The following PLEKHA5 variants were observed in gnomAD, a reference collection of about 807,000 sequenced individuals.
PLEKHA5 encodes pleckstrin homology domain containing A5.
A neutral mutation model predicts 181.9 loss-of-function variants in PLEKHA5; 55 were observed. The ratio of observed to expected loss-of-function variants is 0.30; its 90% CI spans 0.24 to 0.38. The LOEUF (loss-of-function observed/expected upper bound fraction) is 0.38, where lower values mean the gene tolerates loss of function less well. PLEKHA5 is among the 10% of genes least tolerant of loss of function. The pLI, the probability that PLEKHA5 is intolerant of heterozygous loss-of-function variation, is 1.00. For missense variants in PLEKHA5, 1,432 were observed against 1,549.5 expected, an observed-to-expected ratio of 0.92 and a Z score of 1.27; for synonymous variants, 535 against 529.4, an observed-to-expected ratio of 1.01 and a Z score of -0.15.
intron 3 of PLEKHA5, among the ~76,000 whole-genome samples, chr12:19,215,608 A>G (rs2057820734): frequency 6.6e-6 from 1 of 152,196 alleles, no homozygotes; most frequent in Admixed American, 6.5e-5. Flanking sequence ...CATTTCATAA[A>G]ATAAGCCATA....
At chr12:19,178,986 A>C (rs1164418335) in intron 3 of PLEKHA5, among the ~76,000 whole-genome samples, 2 of 152,220 alleles carry the variant, frequency 1.3e-5, no homozygotes, top group Non-Finnish European at 2.9e-5. Flanking sequence ...CCAAGTGCTT[A>C]GGGTAAAGGA....
chr12:19,275,492 C>T (rs2074239388), intron 11 of PLEKHA5, among the ~76,000 whole-genome samples: 1 of 152,154 alleles, frequency 6.6e-6, no homozygotes, highest in Non-Finnish European at 1.5e-5. Context: ...AGGCCAGGCG[C>T]AGTTTTTCGG....
chr12:19,169,323 G>A (rs549334636), intron 3 of PLEKHA5, among the ~76,000 whole-genome samples: 5 of 151,918 alleles, frequency 3.3e-5, no homozygotes, highest in African/African-American at 1.2e-4. Flanking sequence ...AGTTAGTGTT[G>A]CTTGCCTAGG....
At chr12:19,156,376 T>G (rs139268769) in intron 3 of PLEKHA5, among the ~76,000 whole-genome samples, 4 of 152,180 alleles carry the variant, frequency 2.6e-5, no homozygotes, top group Admixed American at 2.6e-4. Flanking sequence ...AACCCATGTA[T>G]TATTGGTAAA....
intron 3 of PLEKHA5, among the ~76,000 whole-genome samples, chr12:19,165,287 A>T (rs887434009): frequency 1.3e-5 from 2 of 152,184 alleles, no homozygotes; most frequent in Non-Finnish European, 2.9e-5. Context: ...TAAGAAACAC[A>T]CACTGTCTAT....
intron 26 of PLEKHA5, among the ~76,000 whole-genome samples, chr12:19,354,858 C>T (rs922446132): frequency 5.9e-5 from 9 of 152,156 alleles, no homozygotes; most frequent in Non-Finnish European, 1.0e-4. Context: ...TTTTGATCAG[C>T]CTAGACATGG....
intron 26 of PLEKHA5, among the ~76,000 whole-genome samples, chr12:19,356,593 G>C (rs2094938192): frequency 6.6e-6 from 1 of 150,606 alleles, no homozygotes; most frequent in Non-Finnish European, 1.5e-5. Context: ...AGTGGAAATA[G>C]TTCATCATAA....
chr12:19,347,882 CTTTT>C (rs527719770), intron 24 of PLEKHA5, among the ~76,000 whole-genome samples: 10 of 119,810 alleles, frequency 8.3e-5, no homozygotes, highest in Admixed American at 9.0e-5. Flanking sequence ...CAGAAATATT[CTTTT>C]TTTTTTTTTT....
Position 19,270,192 on chromosome 12 carries a change from A to T in PLEKHA5, c.832A>T (p.Thr278Ser). 1 of 1,462,574 alleles carries T rather than the reference A, an allele frequency of 6.8e-7. No individual in the cohort carries two copies. Among genetic ancestry groups the T allele is most frequent in the Non-Finnish European group, 9.1e-7 (1 of 1,101,156 alleles). 90.6% of individuals were successfully genotyped at this position (1,462,574 alleles called of 1,614,324 possible). A position where few individuals can be genotyped will look rare whatever the true frequency, so the allele number is the denominator to read the frequency against. ...LVQTEPVKRI[T>S]FNFRVDKITS... ...GAATGTTCTTTCTTCTTACAGAATT[A>T]CCTTTAATTTCCGGTGAGTACGTTT... Residue 278 changes from threonine (T) to serine (S), a missense_variant, in exon 10 of 32, where the codon ACC becomes TCC. Physicochemically the swap from Thr to Ser is moderately conservative, Grantham distance 58 (BLOSUM62 1). Around this residue, in one of 2 missense-constraint regions of PLEKHA5, gnomAD observed 289 missense variants for 381.1 expected, o/e 0.76. Transcript: ENST00000429027.
rs2076618770 is a variant in PLEKHA5 at position 19,283,579 on chromosome 12, A to G, written c.1613A>G (p.Asn538Ser). 2.5e-6 allele frequency: 4 copies of G among 1,614,024 alleles called. No homozygotes were observed. Among genetic ancestry groups the G allele is most frequent in the Admixed American group, 1.7e-5 (1 of 59,996 alleles). Reference protein sequence around the residue: ...STLSSPKTMVNISDQTMHSIP... With the variant: ...STLSSPKTMVSISDQTMHSIP... ...TTGAGTAGTCCCAAAACCATGGTAA[A>G]TATTTCTGACCAGACAATGCACTCT... is the stretch of plus-strand genomic sequence containing the variant. Residue 538 changes from asparagine (N) to serine (S), a missense_variant, in exon 12 of 32, where the codon AAT becomes AGT. Physicochemically the swap from Asn to Ser is conservative, Grantham distance 46 (BLOSUM62 1). Around this residue, in one of 2 missense-constraint regions of PLEKHA5, gnomAD observed 1,143 missense variants for 1,168.4 expected, o/e 0.98. Transcript: ENST00000429027.
chr12:19,185,941 T>C (rs2049768693), intron 3 of PLEKHA5, among the ~76,000 whole-genome samples: 1 of 152,226 alleles, frequency 6.6e-6, no homozygotes, highest in Non-Finnish European at 1.5e-5. Flanking sequence ...CACATTTATC[T>C]TCTTCAGTCT....
intron 20 of PLEKHA5, among the ~76,000 whole-genome samples, chr12:19,325,395 G>A (rs568396294): frequency 1.3e-4 from 19 of 151,116 alleles, no homozygotes; most frequent in African/African-American, 2.2e-4. Flanking sequence ...AAACAAAATC[G>A]TTAATAATAG....
chr12:19,141,214 C>A (rs940180968), intron 3 of PLEKHA5, among the ~76,000 whole-genome samples: 12 of 152,136 alleles, frequency 7.9e-5, no homozygotes, highest in African/African-American at 2.7e-4. Flanking sequence ...AAAATGGTTA[C>A]GTGCAGCCCC....
intron 3 of PLEKHA5, chr12:19,243,421 G>A (rs896528281): frequency 6.6e-6 from 1 of 152,158 alleles, no homozygotes; most frequent in Non-Finnish European, 1.5e-5. Flanking sequence ...GATTGTCAAG[G>A]CCATTACGTG....
At chr12:19,184,548 G>A (rs1463278705) in intron 3 of PLEKHA5, among the ~76,000 whole-genome samples, 1 of 152,302 alleles carries the variant, frequency 6.6e-6, no homozygotes, top group East Asian at 1.9e-4. Context: ...GTAGGGTGCT[G>A]TGAAAGCATA....
intron 17 of PLEKHA5, 80 bp downstream of exon 17, chr12:19,320,136 C>T (rs987169856): frequency 7.2e-5 from 39 of 538,796 alleles, no homozygotes; most frequent in Non-Finnish European, 1.2e-4. Flanking sequence ...TGAGTGTACA[C>T]ATACACAGTG....
At chr12:19,172,217 A>G (rs1045087721) in intron 3 of PLEKHA5, among the ~76,000 whole-genome samples, 1 of 152,222 alleles carries the variant, frequency 6.6e-6, no homozygotes, top group Non-Finnish European at 1.5e-5. Flanking sequence ...CAGCATCACT[A>G]CAAACAGTTG....
intron 13 of PLEKHA5, 109 bp from the exon 14 acceptor site, chr12:19,290,568 G>T: frequency 1.1e-6 from 1 of 914,784 alleles, no homozygotes; most frequent in Non-Finnish European, 1.6e-6. Flanking sequence ...TATGTTTGAT[G>T]TCAACCATAA....
In PLEKHA5 at chr12:19,322,627, G is replaced by T; in HGVS notation, c.2408G>T (p.Gly803Val). ...TTACAAAGGGATGATTTACAAAATGGACTGCTTAGTACGTGTCGAGAACTT... is the reference window on the plus strand; with the variant it reads ...TTACAAAGGGATGATTTACAAAATGTACTGCTTAGTACGTGTCGAGAACTT... Reference protein sequence around the residue: ...VVLQRDDLQNGLLSTCRELSR... With the variant: ...VVLQRDDLQNVLLSTCRELSR... Residue 803 changes from glycine to valine, a missense_variant, in exon 20 of 32, where the codon GGA (glycine) becomes GTA (valine). Transcript: ENST00000429027. The T allele has an allele frequency of 6.2e-7, 1 of 1,613,898 alleles. No individual in the cohort carries two copies. The highest frequency in any genetic ancestry group is 1.1e-5 in the South Asian group (1 of 91,068).
Sources: allele counts gnomAD v4.1 joint callset (sites outside exome capture counted in the v4.1 genomes callset), GRCh38; gene constraint gnomAD v4.1.1; regional missense constraint gnomAD v4.1.1; transcripts MANE v1.5; gene names NCBI Gene and HGNC (gene_info 2026-07-23, HGNC 2026-07-21).